Variants in CSMD3 observed in about 807,000 individuals in gnomAD.
CSMD3 encodes the protein CUB and sushi domain-containing protein 3.
Under a neutral mutation model 435.2 loss-of-function variants are expected in CSMD3, and 177 were observed. The observed-to-expected ratio is 0.41, with a 90% CI of 0.36 to 0.46. CSMD3 has a LOEUF of 0.46. Ranked by LOEUF, CSMD3 falls within the 20% of genes least tolerant of loss-of-function variation. The pLI, the probability that CSMD3 is intolerant of heterozygous loss-of-function variation, is 0.34. For synonymous variants in CSMD3, 1,656 were observed against 1,520.5 expected (o/e 1.09, Z -2.07); for missense variants, 4,265 against 4,504.6 (o/e 0.95, Z 1.52).
At chr8:113,132,636 T>C (rs2091312330) in intron 4 of CSMD3, among the ~76,000 whole-genome samples, 1 of 152,152 alleles carries the variant, frequency 6.6e-6, no homozygotes, top group Non-Finnish European at 1.5e-5. Flanking sequence ...ATTTTCTTCA[T>C]AAATTACTCA....
chr8:112,393,314 C>T (rs7461456), intron 35 of CSMD3, among the ~76,000 whole-genome samples: 37,505 of 151,996 alleles, frequency 0.25, 5,220 homozygotes, highest in African/African-American at 0.37. Flanking sequence ...AATATGCTTT[C>T]TTATTGCTGT....
intron 7 of CSMD3, among the ~76,000 whole-genome samples, chr8:112,963,355 AACATTCT>A (rs1482530730): frequency 1.3e-5 from 2 of 151,972 alleles, no homozygotes; most frequent in Non-Finnish European, 2.9e-5. Flanking sequence ...CAAATTAGGC[AACATTCT>A]ATTGTTTTGA....
At chr8:112,452,251 A>C (rs1485769858) in intron 32 of CSMD3, among the ~76,000 whole-genome samples, 2 of 152,206 alleles carry the variant, frequency 1.3e-5, no homozygotes. Context: ...TTTATTCAGT[A>C]CTGGATTCTA....
chr8:112,457,759 C>T (rs937978072), intron 32 of CSMD3, among the ~76,000 whole-genome samples: 2 of 151,922 alleles, frequency 1.3e-5, no homozygotes, highest in African/African-American at 4.8e-5. Context: ...CTCCATACTC[C>T]TTATCTTGGC....
chr8:112,510,092 G>A (rs542422773), intron 28 of CSMD3, among the ~76,000 whole-genome samples: 1 of 152,158 alleles, frequency 6.6e-6, no homozygotes, highest in East Asian at 1.9e-4. Flanking sequence ...CTATCAAGAA[G>A]CCCTGCCAGG....
intron 5 of CSMD3, among the ~76,000 whole-genome samples, chr8:113,094,968 G>A (rs2090119612): frequency 6.6e-6 from 1 of 151,992 alleles, no homozygotes; most frequent in Non-Finnish European, 1.5e-5. Context: ...CTACTCGGGA[G>A]GCTGAGGCAG....
chr8:112,287,289 T>G (rs1383258048), intron 57 of CSMD3, 43 bp from the exon 58 acceptor site: 1 of 1,599,380 alleles, frequency 6.3e-7, no homozygotes, highest in African/African-American at 1.3e-5. Context: ...CCCATAAACA[T>G]TTATTAAGTT....
At chr8:112,873,263 T>G (rs528848300) in intron 10 of CSMD3, among the ~76,000 whole-genome samples, 1 of 151,886 alleles carries the variant, frequency 6.6e-6, no homozygotes, top group Non-Finnish European at 1.5e-5. Context: ...GCACAAGAAA[T>G]TAACTGAAAT....
chr8:112,396,079 C>T (rs1446588020), intron 35 of CSMD3, among the ~76,000 whole-genome samples: 1 of 151,932 alleles, frequency 6.6e-6, no homozygotes, highest in African/African-American at 2.4e-5. Context: ...GCTTTCCAAT[C>T]AACAGTTTAG....
Position 112,265,496 on chromosome 8 carries a change from T to C in CSMD3, c.9603A>G (p.Pro3201=). The C allele has an allele frequency of 6.2e-7, 1 of 1,613,744 alleles. No homozygotes were observed. Among genetic ancestry groups the C allele is most frequent in the African/African-American group, 1.3e-5 (1 of 75,030 alleles). ...AGCCATTCAATTCCATCGTGTAGCC[T>C]GGCTGGCACATGTAAGAAACATTTT... is the stretch of plus-strand genomic sequence containing the variant. ...VGQNVSYMCQ[P]GYTMELNGSR... The change falls in exon 60 of 71, where the codon CCA becomes CCG. Residue 3201 remains proline, a synonymous_variant. Coordinates refer to ENST00000297405, the MANE Select transcript of CSMD3 (RefSeq NM_198123.2).
At chr8:113,222,987 A>T (rs1224842557) in intron 3 of CSMD3, among the ~76,000 whole-genome samples, 1 of 150,964 alleles carries the variant, frequency 6.6e-6, no homozygotes, top group Non-Finnish European at 1.5e-5. Context: ...TTTTGAGATC[A>T]TGTTCCTCTT....
intron 1 of CSMD3, among the ~76,000 whole-genome samples, chr8:113,358,053 C>T (rs1480179685): frequency 6.6e-6 from 1 of 152,056 alleles, no homozygotes; most frequent in Admixed American, 6.6e-5. Context: ...TTCTAGTATT[C>T]CACATAAAAA....
intron 13 of CSMD3, among the ~76,000 whole-genome samples, chr8:112,795,406 G>C (rs1449938708): frequency 6.6e-6 from 1 of 152,116 alleles, no homozygotes. Flanking sequence ...TTGACTAGAA[G>C]TTAGATGAAA....
At position 112,570,181 on chromosome 8, in the gene CSMD3, G is replaced by C. The variant is rs144592567; in HGVS notation, c.4042+3320C>G. ...ATTTTGTGAATATTTAAAATATGTG[G>C]CTTAGTAGAACTGTTTTACTATCAT... is the stretch of plus-strand genomic sequence containing the variant. On this transcript the variant is annotated intron_variant, in intron 24 of 70. Coordinates refer to ENST00000297405, the MANE Select transcript of CSMD3 (RefSeq NM_198123.2). Among the ~76,000 whole-genome samples, 228 of 152,140 alleles carry C rather than the reference G, an allele frequency of 1.5e-3. 2 individuals carry two copies. The highest frequency in any genetic ancestry group is 1.5e-3 in the Non-Finnish European group (105 of 68,012).
intron 2 of CSMD3, among the ~76,000 whole-genome samples, chr8:113,283,232 CT>C (rs2093624557): frequency 6.6e-6 from 1 of 151,842 alleles, no homozygotes; most frequent in Non-Finnish European, 1.5e-5. Flanking sequence ...ATATAAATAG[CT>C]GGGACCTAAA....
At chr8:113,347,137 C>CAAATA (rs1355732662) in intron 1 of CSMD3, among the ~76,000 whole-genome samples, 14 of 152,006 alleles carry the variant, frequency 9.2e-5, no homozygotes, top group African/African-American at 3.4e-4. Context: ...TAAATCTTTG[C>CAAATA]AAGAAAGTGC....
intron 33 of CSMD3, 93 bp downstream of exon 33, chr8:112,408,826 T>A (rs771393596): frequency 1.2e-4 from 189 of 1,595,526 alleles, no homozygotes; most frequent in Admixed American, 7.6e-4. Flanking sequence ...TTATTTCTTA[T>A]ATTGATGATA....
intron 13 of CSMD3, among the ~76,000 whole-genome samples, chr8:112,784,419 G>A (rs2078483307): frequency 6.6e-6 from 1 of 151,482 alleles, no homozygotes; most frequent in Non-Finnish European, 1.5e-5. Flanking sequence ...AGAAACAATA[G>A]AGATCAGAGC....
chr8:112,415,609 C>G (rs1811823007), intron 32 of CSMD3, among the ~76,000 whole-genome samples: 1 of 152,186 alleles, frequency 6.6e-6, no homozygotes, highest in Non-Finnish European at 1.5e-5. Flanking sequence ...GGTAGATTCA[C>G]TGACAGCTTG....
Sources: gnomAD v4.1 joint callset for allele counts (sites outside exome capture counted in the v4.1 genomes callset) on GRCh38, gnomAD v4.1.1 for gene constraint, MANE v1.5 for transcripts, NCBI Gene and HGNC (gene_info 2026-07-23, HGNC 2026-07-21) for gene names.